The following HTATSF1 variants were observed in gnomAD, a reference collection of about 807,000 sequenced individuals.
The protein encoded by HTATSF1 is HIV-1 Tat specific factor 1.
In HTATSF1, 6 loss-of-function variants were observed where a neutral mutation model predicts 46.1. That is an observed-to-expected ratio of 0.13 (90% CI 0.07 to 0.26). The LOEUF (loss-of-function observed/expected upper bound fraction) is 0.26. Ranked by LOEUF, HTATSF1 falls within the 10% of genes least tolerant of loss-of-function variation. The pLI is 1.00. For missense variants in HTATSF1, 452 were observed against 559.9 expected, an observed-to-expected ratio of 0.81 and a Z score of 1.94; for synonymous variants, 226 against 211.5, an observed-to-expected ratio of 1.07 and a Z score of -0.60.
chrX:136,503,333 T>C (rs955067630), intron 5 of HTATSF1, among the ~76,000 whole-genome samples: 1 of 112,429 alleles, frequency 8.9e-6, no homozygotes, highest in Non-Finnish European at 1.9e-5. Context: ...GACAGGATTT[T>C]ATAATTGTAT....
chrX:136,507,417 C>T lies in HTATSF1; in HGVS notation c.835-1674C>T, dbSNP rs760810333. On this transcript the variant is annotated intron_variant, in intron 6 of 8. Coordinates refer to ENST00000218364, the MANE Select transcript of HTATSF1 (RefSeq NM_014500.5). ...AGAGTCAAAACTCAAATGCATTAGC[C>T]GGGCATGATAGCACGCACCTGTAAT... is the stretch of plus-strand genomic sequence containing the variant. Among the ~76,000 whole-genome samples the T allele has an allele frequency of 1.2e-4, 13 of 111,114 alleles. No individual in the cohort carries two copies. In the South Asian group the frequency reaches 5.0e-3, roughly 43 times the overall value.
At position 136,510,068 on chromosome X, in the gene HTATSF1, T is replaced by C. The variant is rs766345279; in HGVS notation, c.925-14T>C. 3.4e-6 allele frequency: 4 copies of C among 1,189,784 alleles called. No homozygotes were observed. The highest frequency in any genetic ancestry group is 2.4e-5 in the Admixed American group (1 of 42,482). ...TTATCATTCATTCCTTTTTTTTCTT[T>C]CTTATCTTTCTAGAGGCACCCAGAT... On this transcript the variant is annotated splice_polypyrimidine_tract_variant and intron_variant, in intron 7 of 8. Coordinates refer to ENST00000218364, the MANE Select transcript of HTATSF1 (RefSeq NM_014500.5).
chrX:136,511,372 G>T lies in HTATSF1; in HGVS notation c.1627G>T (p.Asp543Tyr). Residue 543 changes from aspartate (D) to tyrosine (Y), a missense_variant, in exon 9 of 9, where the codon GAC (aspartate) becomes TAC (tyrosine). Coordinates refer to ENST00000218364, the MANE Select transcript of HTATSF1 (RefSeq NM_014500.5). Reference sequence around the variant, plus strand: ...CCCCACAAAAGAGTCCGAAGAAGATGACTCAGAGAAAGAGTCTGATGAAGA... The same window carrying T: ...CCCCACAAAAGAGTCCGAAGAAGATTACTCAGAGAAAGAGTCTGATGAAGA... ...VGPTKESEED[D>Y]SEKESDEDCS... 8.3e-7 allele frequency: 1 copy of T among 1,209,603 alleles called. No individual in the cohort carries two copies. The highest frequency in any genetic ancestry group is 1.8e-5 in the South Asian group (1 of 56,259).
At position 136,502,706 on chromosome X, in the gene HTATSF1, C is replaced by T. The variant is rs971858815; in HGVS notation, c.571-72C>T. 1.5e-4 allele frequency: 77 copies of T among 517,191 alleles called. No individual in the cohort carries two copies. In the East Asian group the frequency reaches 3.1e-3, roughly 21 times the overall value. The allele number at this position is 517,191 out of a possible 1,213,427, so 42.6% of individuals were successfully genotyped here. A position where few individuals can be genotyped will look rare whatever the true frequency, so the allele number is the denominator to read the frequency against. ...TTTAAATTATTTTATGTATAATCAT[C>T]GTTCATCTAAAAAACTCCTGAAGTT... On this transcript the variant is annotated intron_variant, in intron 4 of 8. Coordinates refer to ENST00000218364, the MANE Select transcript of HTATSF1 (RefSeq NM_014500.5).
At chrX:136,501,184 G>T (rs1024375075) in intron 4 of HTATSF1, among the ~76,000 whole-genome samples, 1 of 111,935 alleles carries the variant, frequency 8.9e-6, no homozygotes, top group African/African-American at 3.2e-5. Flanking sequence ...TTACACCAGG[G>T]TTCAGCAAAC....
chrX:136,498,397 A>T (rs1467875850), intron 1 of HTATSF1, among the ~76,000 whole-genome samples: 1 of 112,426 alleles, frequency 8.9e-6, no homozygotes, highest in Non-Finnish European at 1.9e-5. Flanking sequence ...AAGACTGGAG[A>T]TACACAGAAT....
chrX:136,510,017 G>A, intron 7 of HTATSF1, 65 bp from the exon 8 acceptor site: 1 of 1,046,210 alleles, frequency 9.6e-7, no homozygotes, highest in Admixed American at 2.4e-5. Flanking sequence ...CCTACTTTGT[G>A]AAATGTATGT....
At chrX:136,498,928 T>C (rs1321896494) in intron 1 of HTATSF1, among the ~76,000 whole-genome samples, 2 of 113,248 alleles carry the variant, frequency 1.8e-5, no homozygotes, top group African/African-American at 6.4e-5. Flanking sequence ...TATAACTATA[T>C]TTCTTTCGTT....
intron 1 of HTATSF1, among the ~76,000 whole-genome samples, chrX:136,499,205 T>C (rs1225127973): frequency 1.8e-5 from 2 of 112,750 alleles, no homozygotes; most frequent in Non-Finnish European, 3.7e-5. Context: ...TGTGGTTAGA[T>C]TATTCATTGA....
At chrX:136,498,068 A>G (rs1278857910) in intron 1 of HTATSF1, among the ~76,000 whole-genome samples, 198 bp downstream of exon 1, 1 of 112,551 alleles carries the variant, frequency 8.9e-6, no homozygotes, top group African/African-American at 3.2e-5. Context: ...CTTAAATGTA[A>G]TTTTTAAGTC....
At chrX:136,507,898 T>C (rs776494317) in intron 6 of HTATSF1, among the ~76,000 whole-genome samples, 5 of 111,252 alleles carry the variant, frequency 4.5e-5, no homozygotes, top group Admixed American at 3.8e-4. Flanking sequence ...CACACACACA[T>C]GTCAAAAGCC....
rs1569353006 is a variant in HTATSF1 at position 136,499,788 on chromosome X, T to C, written c.367+10T>C. Reference sequence around the variant, plus strand: ...AGAAAGGCTGAGTCAGGTAAGTGGTTCTAGCTTACAAATTTTAAGTGTAAA... The same window carrying C: ...AGAAAGGCTGAGTCAGGTAAGTGGTCCTAGCTTACAAATTTTAAGTGTAAA... On this transcript the variant is annotated intron_variant, in intron 2 of 8. Transcript: ENST00000218364. 1 of 1,141,573 alleles carries C rather than the reference T, an allele frequency of 8.8e-7. No homozygotes were observed. The highest frequency in any genetic ancestry group is 3.1e-5 in the East Asian group (1 of 32,508). The allele number at this position is 1,141,573 out of a possible 1,213,427, so 94.1% of individuals were successfully genotyped here.
At chrX:136,503,588 T>G (rs1170945222) in intron 5 of HTATSF1, among the ~76,000 whole-genome samples, 1 of 112,199 alleles carries the variant, frequency 8.9e-6, no homozygotes, top group Non-Finnish European at 1.9e-5. Context: ...CACATATTTT[T>G]TAAACAATAT....
At chrX:136,504,287 G>T in intron 5 of HTATSF1, 77 bp from the exon 6 acceptor site, 1 of 657,433 alleles carries the variant, frequency 1.5e-6, no homozygotes, top group Non-Finnish European at 2.4e-6. Context: ...AGTATTGTAT[G>T]AACAACTCAT....
In HTATSF1 at chrX:136,511,920, G is replaced by C; in HGVS notation, c.2175G>C (p.Gly725=). 1 of 1,211,556 alleles carries C rather than the reference G, an allele frequency of 8.3e-7. No homozygotes were observed. The highest frequency in any genetic ancestry group is 1.7e-5 in the African/African-American group (1 of 57,744). ...TGTTTGACGATTCTGATGAGAGGGG[G>C]ACTTTGGGTGGTTTTGGGAGTGTTG... The part of the protein sequence containing the change: ...EKLFDDSDER[G]TLGGFGSVEE... Residue 725 remains glycine, a synonymous_variant, in exon 9 of 9, where the codon GGG becomes GGC. Transcript: ENST00000218364.
At chrX:136,510,376 C>T (rs774654944) in intron 8 of HTATSF1, among the ~76,000 whole-genome samples, 157 bp downstream of exon 8, 4 of 112,772 alleles carry the variant, frequency 3.5e-5, no homozygotes, top group African/African-American at 1.3e-4. Flanking sequence ...TACTCTTCCT[C>T]TTAATTATTT....
At chrX:136,502,064 AT>A (rs1408360454) in intron 4 of HTATSF1, among the ~76,000 whole-genome samples, 1 of 111,197 alleles carries the variant, frequency 9.0e-6, no homozygotes, top group African/African-American at 3.3e-5. Context: ...TCAGTTATCC[AT>A]TTTTCTTTTC....
At chrX:136,498,987 G>A (rs1211128091) in intron 1 of HTATSF1, among the ~76,000 whole-genome samples, 2 of 112,898 alleles carry the variant, frequency 1.8e-5, no homozygotes, top group African/African-American at 6.4e-5. Flanking sequence ...ATATGAGTTG[G>A]ATTTGTCTTT....
chrX:136,510,293 T>C, intron 8 of HTATSF1, 74 bp downstream of exon 8: 1 of 1,014,500 alleles, frequency 9.9e-7, no homozygotes, highest in Non-Finnish European at 1.3e-6. Flanking sequence ...AGATCTAAAT[T>C]TTGGGTTTGG....
Sources: gnomAD v4.1 joint callset for allele counts (sites outside exome capture counted in the v4.1 genomes callset) on GRCh38, gnomAD v4.1.1 for gene constraint, MANE v1.5 for transcripts, NCBI Gene and HGNC (gene_info 2026-07-23, HGNC 2026-07-21) for gene names.